The following DENND2B variants were observed in gnomAD, a reference collection of about 807,000 sequenced individuals.
DENND2B encodes DENN domain containing 2B.
In DENND2B, 32 loss-of-function variants were observed where a neutral mutation model predicts 116.0. That is an observed-to-expected ratio of 0.28 (90% CI 0.21 to 0.37). The LOEUF is 0.37. DENND2B is among the 10% of genes least tolerant of loss of function. DENND2B has a pLI of 1.00. For missense variants in DENND2B, 1,276 were observed against 1,477.7 expected (o/e 0.86, Z 2.24); for synonymous variants, 588 against 583.9 (o/e 1.01, Z -0.10).
At chr11:8,761,992 T>G (rs1565882060) in intron 1 of DENND2B, among the ~76,000 whole-genome samples, 1 of 152,006 alleles carries the variant, frequency 6.6e-6, no homozygotes, top group Non-Finnish European at 1.5e-5. Flanking sequence ...GCTCTCAACT[T>G]CAACACCTCC....
chr11:8,779,468 C>T (rs1324336830), intron 1 of DENND2B, among the ~76,000 whole-genome samples: 3 of 151,970 alleles, frequency 2.0e-5, no homozygotes, highest in Non-Finnish European at 4.4e-5. Flanking sequence ...CTGCCAAAAG[C>T]ATGCTCGGGG....
intron 3 of DENND2B, among the ~76,000 whole-genome samples, chr11:8,847,777 A>G (rs2062864302): frequency 1.3e-5 from 2 of 152,224 alleles, no homozygotes; most frequent in South Asian, 4.1e-4. Flanking sequence ...AACAGAAGTG[A>G]TGCTACAGAA....
chr11:8,891,585 G>A (rs867659613), intron 1 of DENND2B, among the ~76,000 whole-genome samples: 2 of 152,110 alleles, frequency 1.3e-5, no homozygotes, highest in Non-Finnish European at 2.9e-5. Context: ...GGCAGGGGTT[G>A]CAATCCTAGT....
At chr11:8,903,911 A>T (rs979406660) in intron 1 of DENND2B, among the ~76,000 whole-genome samples, 8 of 141,950 alleles carry the variant, frequency 5.6e-5, no homozygotes, top group Non-Finnish European at 7.8e-5. Flanking sequence ...AAAAAAAAAA[A>T]GAAGGAATAG....
At chr11:8,888,407 G>A (rs1304014357) in intron 1 of DENND2B, among the ~76,000 whole-genome samples, 3 of 152,174 alleles carry the variant, frequency 2.0e-5, no homozygotes, top group East Asian at 1.9e-4. Context: ...CTTACCTAAC[G>A]CCTATACAAA....
chr11:8,838,051 T>A (rs917393255), intron 4 of DENND2B, among the ~76,000 whole-genome samples: 11 of 152,224 alleles, frequency 7.2e-5, no homozygotes, highest in African/African-American at 2.7e-4. Context: ...CTCCTTAAGT[T>A]ATCCTCGTCA....
At chr11:8,740,849 G>A (rs569474162) in intron 2 of DENND2B, among the ~76,000 whole-genome samples, 1 of 152,340 alleles carries the variant, frequency 6.6e-6, no homozygotes, top group South Asian at 2.1e-4. Context: ...TTCTGGGGAT[G>A]GCATTCTCAC....
chr11:8,711,917 G>C, intron 9 of DENND2B: 1 of 451,012 alleles, frequency 2.2e-6, no homozygotes, highest in Non-Finnish European at 4.5e-6. Context: ...AGCAAGCTGG[G>C]CAGGGGAGGG....
chr11:8,817,248 C>T (rs4244805), intron 4 of DENND2B, among the ~76,000 whole-genome samples: 102,922 of 151,968 alleles, frequency 0.68, 36,863 homozygotes, highest in Admixed American at 0.8. Context: ...AATCTGTCTA[C>T]TGCAAATCAA....
chr11:8,841,122 T>C (rs59933215), intron 3 of DENND2B, among the ~76,000 whole-genome samples: 2,451 of 152,310 alleles, frequency 0.016, 88 homozygotes, highest in African/African-American at 0.057. Context: ...AACCTAACTA[T>C]ATAATAGACA....
At chr11:8,790,021 GTCTTA>G (rs1354953891) in intron 1 of DENND2B, among the ~76,000 whole-genome samples, 3 of 152,276 alleles carry the variant, frequency 2.0e-5, no homozygotes, top group Admixed American at 6.5e-5. Context: ...TGTCTCTGGA[GTCTTA>G]TCTTGACACT....
intron 3 of DENND2B, among the ~76,000 whole-genome samples, chr11:8,849,198 A>C (rs968132801): frequency 6.4e-4 from 97 of 152,296 alleles, no homozygotes; most frequent in African/African-American, 2.2e-3. Context: ...ACAAAGGTGA[A>C]GAGAATACTA....
intron 2 of DENND2B, among the ~76,000 whole-genome samples, chr11:8,865,023 GC>G (rs2063528022): frequency 2.0e-5 from 3 of 152,210 alleles, no homozygotes; most frequent in Non-Finnish European, 4.4e-5. Flanking sequence ...CAAATTCCCA[GC>G]ATATTCTAAT....
intron 1 of DENND2B, among the ~76,000 whole-genome samples, chr11:8,777,269 G>A (rs1409498265): frequency 1.3e-5 from 2 of 152,112 alleles, no homozygotes; most frequent in African/African-American, 4.8e-5. Context: ...TAGCCAAGAG[G>A]GCTACCTCGG....
At chr11:8,840,786 C>T (rs2062597422) in intron 3 of DENND2B, among the ~76,000 whole-genome samples, 1 of 152,166 alleles carries the variant, frequency 6.6e-6, no homozygotes, top group Non-Finnish European at 1.5e-5. Context: ...CTGCAGCCCT[C>T]ACCAGTCACA....
intron 1 of DENND2B, among the ~76,000 whole-genome samples, chr11:8,783,095 C>T (rs982812358): frequency 1.4e-5 from 2 of 138,234 alleles, no homozygotes; most frequent in African/African-American, 5.6e-5. Context: ...CGCTCTATTG[C>T]CCAGATTGGA....
chr11:8,804,835 C>T (rs1593958998), intron 1 of DENND2B, among the ~76,000 whole-genome samples: 1 of 152,094 alleles, frequency 6.6e-6, no homozygotes, highest in African/African-American at 2.4e-5. Flanking sequence ...TGAGCCACTG[C>T]GCCCAACCAG....
chr11:8,841,563 T>C (rs973066944), intron 3 of DENND2B, among the ~76,000 whole-genome samples: 1 of 152,186 alleles, frequency 6.6e-6, no homozygotes, highest in Non-Finnish European at 1.5e-5. Flanking sequence ...GGCAGGAGGA[T>C]TGCTTGAGCC....
Position 8,712,474 on chromosome 11 carries a change from C to A in DENND2B, c.2172+77G>T. 1 of 1,446,148 alleles carries A rather than the reference C, an allele frequency of 6.9e-7. No homozygotes were observed. The highest frequency in any genetic ancestry group is 2.5e-5 in the East Asian group (1 of 40,028). 89.6% of individuals were successfully genotyped at this position (1,446,148 alleles called of 1,614,324 possible). On this transcript the variant is annotated intron_variant, in intron 9 of 19. Transcript: ENST00000313726. The surrounding 1 kb of genome is among the most constrained non-coding windows in gnomAD (Gnocchi z 4.4). ...GACGTATGACGAACAAGATCTCTCT[C>A]CTTCCCCAGATAGGCCTGGCGGATA...
Sources: allele counts gnomAD v4.1 joint callset (sites outside exome capture counted in the v4.1 genomes callset), GRCh38; gene constraint gnomAD v4.1.1; non-coding constraint Gnocchi (gnomAD v3.1); transcripts MANE v1.5; gene names NCBI Gene and HGNC (gene_info 2026-07-23, HGNC 2026-07-21).